The following FYB2 variants were observed in gnomAD, a reference collection of about 807,000 sequenced individuals.
The protein encoded by FYB2 is FYN-binding protein 2.
FYB2 carries 103 observed loss-of-function variants against 94.1 expected under a neutral mutation model. The ratio of observed to expected loss-of-function variants is 1.09; its 90% CI spans 0.93 to 1.29. The LOEUF (loss-of-function observed/expected upper bound fraction) is 1.29. Among genes scored for constraint, FYB2 ranks in the 50% most tolerant of loss-of-function variants. The pLI is 0.00. For synonymous variants in FYB2, 293 were observed against 287.9 expected (o/e 1.02, Z -0.18); for missense variants, 896 against 841.5 (o/e 1.06, Z -0.80).
chr1:56,768,594 T>C (rs1378670238), intron 4 of FYB2, among the ~76,000 whole-genome samples: 1 of 152,144 alleles, frequency 6.6e-6, no homozygotes, highest in East Asian at 1.9e-4. Context: ...AAAGCCAAAA[T>C]TGATGATTGA....
At chr1:56,745,628 C>T (rs1274389391) in intron 9 of FYB2, among the ~76,000 whole-genome samples, 1 of 151,992 alleles carries the variant, frequency 6.6e-6, no homozygotes, top group African/African-American at 2.4e-5. Flanking sequence ...TAAATTATTG[C>T]AATAACCTCC....
chr1:56,801,464 C>A (rs1646517734), intron 1 of FYB2, among the ~76,000 whole-genome samples: 1 of 152,182 alleles, frequency 6.6e-6, no homozygotes, highest in Non-Finnish European at 1.5e-5. Context: ...ACTCTCATGA[C>A]AATAAGCAAA....
intron 1 of FYB2, among the ~76,000 whole-genome samples, chr1:56,810,442 G>A (rs1316535089): frequency 1.3e-5 from 2 of 152,066 alleles, no homozygotes; most frequent in African/African-American, 2.4e-5. Context: ...TACAGAACAA[G>A]GGGCATGGGA....
intron 5 of FYB2, among the ~76,000 whole-genome samples, chr1:56,766,368 G>A (rs963906509): frequency 6.6e-6 from 1 of 152,166 alleles, no homozygotes; most frequent in African/African-American, 2.4e-5. Flanking sequence ...CCATTTAGGA[G>A]AATCTAGACT....
intron 4 of FYB2, among the ~76,000 whole-genome samples, chr1:56,781,163 C>A (rs1381609920): frequency 6.6e-6 from 1 of 152,190 alleles, no homozygotes; most frequent in Non-Finnish European, 1.5e-5. Context: ...TGTACATGTA[C>A]AAAGGCACAA....
At chr1:56,780,660 A>G (rs1342166714) in intron 4 of FYB2, among the ~76,000 whole-genome samples, 1 of 152,160 alleles carries the variant, frequency 6.6e-6, no homozygotes, top group Non-Finnish European at 1.5e-5. Flanking sequence ...GAGAGAGAGG[A>G]CATAAGGTAC....
At chr1:56,821,368 T>C (rs567684241), upstream of FYB2, among the ~76,000 whole-genome samples, 7 of 148,690 alleles carry the variant, frequency 4.7e-5, no homozygotes, top group Admixed American at 1.3e-4. Context: ...CATTGGTAGC[T>C]GTTAGGGGTG....
chr1:56,718,809 A>G lies in FYB2; in HGVS notation c.*862T>C, dbSNP rs1644434787. The stretch of plus-strand genomic sequence containing the variant: ...AAAAATTTTAAACTGTTAAATGCAT[A>G]TGTAGAATTTATTTCTCTTATTGAC... On this transcript the variant is annotated 3_prime_UTR_variant, in exon 20 of 20. Coordinates refer to ENST00000343433, the MANE Select transcript of FYB2 (RefSeq NM_001004303.5). The G allele has an allele frequency of 6.6e-6, 1 of 152,604 alleles. No homozygotes were observed. Among genetic ancestry groups the G allele is most frequent in the Non-Finnish European group, 1.5e-5 (1 of 68,024 alleles). The allele number at this position is 152,604 out of a possible 1,614,324, so 9.5% of individuals were successfully genotyped here.
chr1:56,825,392 C>T, the FYB2 span, among the ~76,000 whole-genome samples: 2 of 152,082 alleles, frequency 1.3e-5, no homozygotes, highest in African/African-American at 2.4e-5. Flanking sequence ...TGTGGTCACC[C>T]TGCTCACCTG....
chr1:56,819,207 G>C, intron 1 of FYB2, 75 bp downstream of exon 1: 2 of 1,604,532 alleles, frequency 1.2e-6, no homozygotes, highest in Non-Finnish European at 1.7e-6. Context: ...TTTCCCCAGG[G>C]CTCTCAAGTG....
At position 56,819,358 on chromosome 1, in the gene FYB2, A is replaced by G. The variant is rs559666313; in HGVS notation, c.-68T>C. ...TCAGAGCTGGGTCCTGGGGCCAACA[A>G]TCCGCTTTCCTCTGTCTCTGCTAGC... On this transcript the variant is annotated 5_prime_UTR_variant, in exon 1 of 20. Transcript: ENST00000343433. 6.2e-7 allele frequency: 1 copy of G among 1,601,060 alleles called. No homozygotes were observed. The highest frequency in any genetic ancestry group is 2.2e-5 in the East Asian group (1 of 44,776).
chr1:56,804,000 A>G (rs1260368565), intron 1 of FYB2, among the ~76,000 whole-genome samples: 1 of 152,156 alleles, frequency 6.6e-6, no homozygotes, highest in Non-Finnish European at 1.5e-5. Context: ...AGCCTGCCCC[A>G]CTGAAATAGA....
intron 15 of FYB2, among the ~76,000 whole-genome samples, chr1:56,732,660 C>A (rs1462517877): frequency 1.3e-5 from 2 of 151,918 alleles, no homozygotes; most frequent in African/African-American, 4.8e-5. Flanking sequence ...AATAGATAAC[C>A]CAGAAATTAA....
At chr1:56,801,527 T>C (rs12072887) in intron 1 of FYB2, among the ~76,000 whole-genome samples, 7,150 of 152,228 alleles carry the variant, frequency 0.047, 540 homozygotes, top group African/African-American at 0.15. Context: ...TTTCTGATGA[T>C]CTCATCTTTC....
At chr1:56,753,505 G>A (rs57905250) in intron 8 of FYB2, among the ~76,000 whole-genome samples, 12,064 of 152,046 alleles carry the variant, frequency 0.079, 898 homozygotes, top group East Asian at 0.22. Context: ...GGGCCTTAGG[G>A]CACAACGTTT....
chr1:56,756,706 C>G (rs1342381), intron 6 of FYB2, among the ~76,000 whole-genome samples: 30,790 of 151,996 alleles, frequency 0.2, 3,607 homozygotes, highest in East Asian at 0.42. Context: ...TTACAGGTTA[C>G]TAAACCTCTC....
intron 9 of FYB2, among the ~76,000 whole-genome samples, chr1:56,746,115 A>C (rs1189667177): frequency 6.6e-6 from 1 of 151,954 alleles, no homozygotes; most frequent in Non-Finnish European, 1.5e-5. Flanking sequence ...CATTCAATAT[A>C]GATCTTTTAT....
At position 56,720,071 on chromosome 1, in the gene FYB2, G is replaced by C; in HGVS notation, c.2132-16C>G. 6.3e-7 allele frequency: 1 copy of C among 1,598,308 alleles called. No individual in the cohort carries two copies. Among genetic ancestry groups the C allele is most frequent in the Non-Finnish European group, 8.5e-7 (1 of 1,174,556 alleles). On this transcript the variant is annotated splice_polypyrimidine_tract_variant and intron_variant, in intron 18 of 19. Transcript: ENST00000343433. ...ACATATCCATCTAATAGAAACAAAA[G>C]TCACCGTTAATTTGAAAGTTATAGA...
the FYB2 span, among the ~76,000 whole-genome samples, chr1:56,825,330 C>A: frequency 6.6e-6 from 1 of 152,060 alleles, no homozygotes; most frequent in South Asian, 2.1e-4. Context: ...GTTGGGAGGT[C>A]TAGAGAAGAG....
Sources: allele counts gnomAD v4.1 joint callset (sites outside exome capture counted in the v4.1 genomes callset), GRCh38; gene constraint gnomAD v4.1.1; transcripts MANE v1.5; gene names NCBI Gene and HGNC (gene_info 2026-07-23, HGNC 2026-07-21).